The following CMYA5 variants were observed in gnomAD, a reference collection of about 807,000 sequenced individuals.
CMYA5 encodes cardiomyopathy associated 5.
In CMYA5, 246 loss-of-function variants were observed where a neutral mutation model predicts 318.9. The ratio of observed to expected loss-of-function variants is 0.77; its 90% confidence interval spans 0.70 to 0.86. CMYA5 has a LOEUF of 0.86. CMYA5 is among the 40% of genes least tolerant of loss of function. The pLI is 0.00. For missense variants in CMYA5, 4,589 were observed against 4,678.2 expected (o/e 0.98, Z 0.56); for synonymous variants, 1,641 against 1,729.5 (o/e 0.95, Z 1.27).
Position 79,734,064 on chromosome 5 carries a change from C to T in CMYA5, c.5299C>T (p.Gln1767Ter). 6.2e-7 allele frequency: 1 copy of T among 1,613,726 alleles called. No individual in the cohort carries two copies. The highest frequency in any genetic ancestry group is 8.5e-7 in the Non-Finnish European group (1 of 1,179,800). ...HPADFKKGGN[Q>*]EIGPLPPTGN... ...AGCCGACTTTAAAAAGGGAGGAAAT[C>T]AAGAAATAGGCCCATTACCACCAAC... is the stretch of plus-strand genomic sequence containing the variant. Residue 1767 changes from glutamine to a stop codon, truncating the protein, a stop_gained, in exon 2 of 13, where the codon CAA (glutamine) becomes TAA (stop). Coordinates refer to ENST00000446378, the MANE Select transcript of CMYA5 (RefSeq NM_153610.5). LOFTEE classifies it high-confidence loss of function.
chr5:79,771,552 C>T (rs932647696), intron 9 of CMYA5, among the ~76,000 whole-genome samples: 1 of 152,112 alleles, frequency 6.6e-6, no homozygotes, highest in Non-Finnish European at 1.5e-5. Context: ...ATCTGGAAAC[C>T]CTGAGACCTA....
rs1283005037 is a variant in CMYA5 at position 79,733,266 on chromosome 5, A to G, written c.4501A>G (p.Thr1501Ala). Reference sequence around the variant, plus strand: ...AGACAAACAAGATCTTTTATTTTCTACAGTCTGTGACTCTGAACGTTTGGT... The same window carrying G: ...AGACAAACAAGATCTTTTATTTTCTGCAGTCTGTGACTCTGAACGTTTGGT... ...VEDKQDLLFS[T>A]VCDSERLVSS... The change falls in exon 2 of 13, where the codon ACA (threonine) becomes GCA (alanine). Residue 1501 changes from threonine (T) to alanine (A), a missense_variant. By Grantham distance (58) the Thr-to-Ala change is moderately conservative. Around this residue, in one of 3 missense-constraint regions of CMYA5, gnomAD observed 2,132 missense variants for 2,131.3 expected, o/e 1.00. Transcript: ENST00000446378. 1 of 1,613,700 alleles carries G rather than the reference A, an allele frequency of 6.2e-7. No individual in the cohort carries two copies.
At chr5:79,757,860 G>A (rs1054372279) in intron 6 of CMYA5, among the ~76,000 whole-genome samples, 4 of 152,216 alleles carry the variant, frequency 2.6e-5, no homozygotes, top group Non-Finnish European at 5.9e-5. Flanking sequence ...GTTTATTTCT[G>A]TGTGTATTAT....
In CMYA5 at chr5:79,747,083, T is replaced by C. The variant is rs1828344693; in HGVS notation, c.10969-8T>C. 6.7e-7 allele frequency: 1 copy of C among 1,493,760 alleles called. No individual in the cohort carries two copies. The highest frequency in any genetic ancestry group is 9.1e-7 in the Non-Finnish European group (1 of 1,095,670). 92.5% of individuals were successfully genotyped at this position (1,493,760 alleles called of 1,614,324 possible). A position where few individuals can be genotyped will look rare whatever the true frequency, so the allele number is the denominator to read the frequency against. On this transcript the variant is annotated splice_region_variant and splice_polypyrimidine_tract_variant and intron_variant, in intron 4 of 12. Transcript: ENST00000446378. ...TCTCCTCCTCCTTCCTCTCTCTTTCTCCCTAAGTCGTTTGAGGAAATCAAT... is the reference window on the plus strand; with the variant it reads ...TCTCCTCCTCCTTCCTCTCTCTTTCCCCCTAAGTCGTTTGAGGAAATCAAT...
chr5:79,714,028 G>C (rs1312785201), intron 1 of CMYA5, among the ~76,000 whole-genome samples: 2 of 152,150 alleles, frequency 1.3e-5, no homozygotes, highest in Non-Finnish European at 2.9e-5. Flanking sequence ...CAAAGCCCTA[G>C]GAAAGACAGA....
rs533566773 is a variant in CMYA5 at position 79,710,974 on chromosome 5, A to G, written c.150-17941A>G. 9.2e-5 allele frequency among the ~76,000 whole-genome samples: 14 copies of G among 152,274 alleles called. No individual in the cohort carries two copies. In the South Asian group the frequency reaches 2.9e-3, roughly 32 times the overall value. ...TTATAACAATGATTTTGGGGATGCAAAGTTTTCCAATAATCTAACTTATTC... is the reference window on the plus strand; with the variant it reads ...TTATAACAATGATTTTGGGGATGCAGAGTTTTCCAATAATCTAACTTATTC... On this transcript the variant is annotated intron_variant, in intron 1 of 12. Coordinates refer to ENST00000446378, the MANE Select transcript of CMYA5 (RefSeq NM_153610.5).
chr5:79,699,438 C>T (rs368486693), intron 1 of CMYA5, among the ~76,000 whole-genome samples: 29 of 152,266 alleles, frequency 1.9e-4, no homozygotes, highest in African/African-American at 6.5e-4. Flanking sequence ...AATAGAAATG[C>T]AGACACCTTT....
chr5:79,793,677 T>C, intron 12 of CMYA5, 67 bp downstream of exon 12: 2 of 1,420,984 alleles, frequency 1.4e-6, no homozygotes, highest in Non-Finnish European at 1.9e-6. Flanking sequence ...CAGGGCTCTC[T>C]GAGGGACCTG....
intron 9 of CMYA5, among the ~76,000 whole-genome samples, chr5:79,787,122 G>A (rs1293945027): frequency 6.6e-6 from 1 of 152,164 alleles, no homozygotes; most frequent in Non-Finnish European, 1.5e-5. Flanking sequence ...TATCCTTGCT[G>A]TTTAACAACT....
intron 9 of CMYA5, among the ~76,000 whole-genome samples, chr5:79,764,602 C>T (rs1237089834): frequency 2.6e-5 from 4 of 152,164 alleles, no homozygotes; most frequent in Admixed American, 6.5e-5. Context: ...AATTTACACT[C>T]CCACCAACAG....
In CMYA5 at chr5:79,732,241, T is replaced by C; in HGVS notation, c.3476T>C (p.Ile1159Thr). 1.2e-6 allele frequency: 2 copies of C among 1,613,896 alleles called. No homozygotes were observed. The highest frequency in any genetic ancestry group is 2.2e-5 in the South Asian group (2 of 91,082). ...IPAALPAQSS[I>T]VKEETKPASP... Reference sequence around the variant, plus strand: ...GCTGCTTTACCTGCACAATCATCTATAGTAAAGGAAGAAACCAAACCTGCA... The same window carrying C: ...GCTGCTTTACCTGCACAATCATCTACAGTAAAGGAAGAAACCAAACCTGCA... Residue 1159 changes from isoleucine (I) to threonine (T), a missense_variant, in exon 2 of 13, where the codon ATA becomes ACA. Coordinates refer to ENST00000446378, the MANE Select transcript of CMYA5 (RefSeq NM_153610.5).
At chr5:79,789,940 G>C (rs749348896) in intron 10 of CMYA5, among the ~76,000 whole-genome samples, 1 of 152,166 alleles carries the variant, frequency 6.6e-6, no homozygotes, top group Non-Finnish European at 1.5e-5. Flanking sequence ...ACTATTCAAT[G>C]ACATTTTTGG....
At chr5:79,786,423 G>A (rs1028916876) in intron 9 of CMYA5, among the ~76,000 whole-genome samples, 3 of 152,172 alleles carry the variant, frequency 2.0e-5, no homozygotes, top group African/African-American at 7.2e-5. Flanking sequence ...TCCAATCATA[G>A]TCACATCAGT....
intron 1 of CMYA5, among the ~76,000 whole-genome samples, chr5:79,697,647 A>C (rs780227285): frequency 5.3e-5 from 8 of 152,224 alleles, no homozygotes; most frequent in Non-Finnish European, 8.8e-5. Context: ...TAAGTAGCAC[A>C]GCTAGCATTC....
chr5:79,786,950 T>C (rs1829092744), intron 9 of CMYA5, among the ~76,000 whole-genome samples: 1 of 152,364 alleles, frequency 6.6e-6, no homozygotes, highest in East Asian at 1.9e-4. Context: ...ACCTGTTTCA[T>C]GCACTGAAAG....
Position 79,745,387 on chromosome 5 carries a change from A to T in CMYA5, c.10900A>T (p.Thr3634Ser). The T allele has an allele frequency of 6.2e-7, 1 of 1,614,002 alleles. No individual in the cohort carries two copies. The highest frequency in any genetic ancestry group is 8.5e-7 in the Non-Finnish European group (1 of 1,179,864). The change falls in exon 4 of 13, where the codon ACT becomes TCT. Residue 3634 changes from threonine to serine, a missense_variant. Physicochemically the swap from Thr to Ser is moderately conservative, Grantham distance 58. Transcript: ENST00000446378. ...GGTCCACTTTCTGCAGAGCATGGAC[A>T]CTGCCAAAGACACCCTGGAGACCAT... ...QMVHFLQSMD[T>S]AKDTLETIVR... is the part of the protein sequence containing the mutation.
Position 79,738,466 on chromosome 5 carries a change from C to G in CMYA5, c.9701C>G (p.Thr3234Arg), listed in dbSNP as rs766733171. The change falls in exon 2 of 13, where the codon ACA becomes AGA. Residue 3234 changes from threonine to arginine, a missense_variant. By Grantham distance (71) the Thr-to-Arg change is moderately conservative (BLOSUM62 -1). Around this residue, in one of 3 missense-constraint regions of CMYA5, gnomAD observed 2,431 missense variants for 2,495.1 expected, o/e 0.97. Transcript: ENST00000446378. ...AGAAATTCTGACACTGATGATGGAA[C>G]AGGAATATATTTTGAGAAGTACATA... ...PSRNSDTDDG[T>R]GIYFEKYILK... 4 of 1,613,510 alleles carry G rather than the reference C, an allele frequency of 2.5e-6. No individual in the cohort carries two copies. The highest frequency in any genetic ancestry group is 1.1e-5 in the South Asian group (1 of 91,042).
In CMYA5 at chr5:79,728,924, C is replaced by T. The variant is rs189499447; in HGVS notation, c.159C>T (p.Asp53=). ...SEEEPDSRLS[D]QDEEGKIKQE... The stretch of plus-strand genomic sequence containing the variant: ...TTGTTATTTGCTATAGGTTATCAGA[C>T]CAGGATGAAGAGGGAAAGATCAAGC... The change falls in exon 2 of 13, where the codon GAC becomes GAT. Residue 53 remains aspartate (D), a synonymous_variant. Coordinates refer to ENST00000446378, the MANE Select transcript of CMYA5 (RefSeq NM_153610.5). 1 of 1,547,602 alleles carries T rather than the reference C, an allele frequency of 6.5e-7. No individual in the cohort carries two copies. Among genetic ancestry groups the T allele is most frequent in the African/African-American group, 1.4e-5 (1 of 72,250 alleles).
Position 79,730,348 on chromosome 5 carries a change from A to G in CMYA5, c.1583A>G (p.Glu528Gly), listed in dbSNP as rs768289966. The change falls in exon 2 of 13, where the codon GAA (glutamate) becomes GGA (glycine). Residue 528 changes from glutamate to glycine, a missense_variant. By Grantham distance (98) the Glu-to-Gly change is moderately conservative. Around this residue, in one of 3 missense-constraint regions of CMYA5, gnomAD observed 2,132 missense variants for 2,131.3 expected, o/e 1.00. Coordinates refer to ENST00000446378, the MANE Select transcript of CMYA5 (RefSeq NM_153610.5). ...TPEPEDSNLVEEEIVELDYPE... is the reference protein window; with the variant it reads ...TPEPEDSNLVGEEIVELDYPE... Reference sequence around the variant, plus strand: ...GAACCTGAAGATTCTAATTTAGTAGAAGAAGAGATCGTAGAACTTGATTAC... The same window carrying G: ...GAACCTGAAGATTCTAATTTAGTAGGAGAAGAGATCGTAGAACTTGATTAC... The G allele has an allele frequency of 1.2e-6, 2 of 1,612,128 alleles. No individual in the cohort carries two copies. Among genetic ancestry groups the G allele is most frequent in the South Asian group, 2.2e-5 (2 of 91,018 alleles).
Sources: gnomAD v4.1 joint callset for allele counts (sites outside exome capture counted in the v4.1 genomes callset) on GRCh38, gnomAD v4.1.1 for gene constraint, gnomAD v4.1.1 regional missense constraint, MANE v1.5 for transcripts, NCBI Gene and HGNC (gene_info 2026-07-23, HGNC 2026-07-21) for gene names.